TMEM150C: variants seen among roughly 807,000 people sequenced by gnomAD.
TMEM150C encodes transmembrane protein 150C, also known as tentonin 3.
TMEM150C carries 10 observed loss-of-function variants against 29.9 expected under a neutral mutation model. The ratio of observed to expected loss-of-function variants is 0.33; its 90% CI spans 0.21 to 0.57. The LOEUF is 0.57. Among genes scored for constraint, TMEM150C ranks in the 20% least tolerant of loss-of-function variants. The pLI is 0.88. For missense variants in TMEM150C, 251 were observed against 303.6 expected, an observed-to-expected ratio of 0.83 and a Z score of 1.29; for synonymous variants, 101 against 112.5, an observed-to-expected ratio of 0.90 and a Z score of 0.64.
At chr4:82,561,020 C>A (rs1313288111) in intron 1 of TMEM150C, among the ~76,000 whole-genome samples, 2 of 152,000 alleles carry the variant, frequency 1.3e-5, no homozygotes, top group Non-Finnish European at 2.9e-5. Flanking sequence ...GCGGTCTGGC[C>A]GGAATAAACC....
At chr4:82,546,742 G>A (rs768431941) in intron 1 of TMEM150C, among the ~76,000 whole-genome samples, 3 of 151,972 alleles carry the variant, frequency 2.0e-5, no homozygotes, top group Non-Finnish European at 4.4e-5. Context: ...GCAGGAGAAT[G>A]GTGTGACCCG....
At chr4:82,489,044 C>A (rs892309463) in intron 7 of TMEM150C, among the ~76,000 whole-genome samples, 2 of 151,596 alleles carry the variant, frequency 1.3e-5, no homozygotes, top group African/African-American at 4.8e-5. Flanking sequence ...CTCGCCACAA[C>A]ACCCAGCGGA....
intron 1 of TMEM150C, among the ~76,000 whole-genome samples, chr4:82,537,503 T>C (rs942038629): frequency 9.2e-5 from 14 of 152,184 alleles, no homozygotes; most frequent in Admixed American, 3.3e-4. Flanking sequence ...AATGCTCCTA[T>C]CCTTGACTTC....
Position 82,548,176 on chromosome 4 carries a change from CT to C in TMEM150C, c.-11+13729del, listed in dbSNP as rs569270173. Reference sequence around the variant, plus strand: ...GTACTCATGGACATAAAGATGAGGACTACCAGAGAGGGGAGGGAGGACAGAA... The same window carrying C: ...GTACTCATGGACATAAAGATGAGGACACCAGAGAGGGGAGGGAGGACAGAA... On this transcript the variant is annotated intron_variant, in intron 1 of 7. Transcript: ENST00000449862. 3.2e-4 allele frequency among the ~76,000 whole-genome samples: 48 copies of C among 152,164 alleles called. 1 individual carries two copies. The East Asian group carries it at 9.1e-3, about 29-fold the overall frequency.
At chr4:82,551,056 A>C (rs1243919736) in intron 1 of TMEM150C, among the ~76,000 whole-genome samples, 1 of 152,130 alleles carries the variant, frequency 6.6e-6, no homozygotes, top group Non-Finnish European at 1.5e-5. Flanking sequence ...GCCATAAGTT[A>C]CTGCAAGAGT....
intron 2 of TMEM150C, among the ~76,000 whole-genome samples, chr4:82,503,724 C>A (rs1162682159): frequency 6.6e-6 from 1 of 152,058 alleles, no homozygotes; most frequent in Non-Finnish European, 1.5e-5. Flanking sequence ...GTGGTGGGCG[C>A]CTGTAGTCCC....
At chr4:82,534,397 A>C (rs1466222504) in intron 1 of TMEM150C, among the ~76,000 whole-genome samples, 1 of 152,224 alleles carries the variant, frequency 6.6e-6, no homozygotes, top group Non-Finnish European at 1.5e-5. Flanking sequence ...TAAATATCTA[A>C]AAATCAACAG....
intron 1 of TMEM150C, among the ~76,000 whole-genome samples, chr4:82,531,754 C>CAAAA (rs757992713): frequency 3.2e-5 from 2 of 62,286 alleles, no homozygotes; most frequent in African/African-American, 4.6e-5. Context: ...GACTCTGTCT[C>CAAAA]AAAAAAAAAA....
chr4:82,506,423 C>G lies in TMEM150C; in HGVS notation c.-10-1756G>C, dbSNP rs76197467. 1.8e-3 allele frequency among the ~76,000 whole-genome samples: 278 copies of G among 152,306 alleles called. 9 individuals are homozygous for G. The East Asian group carries it at 0.034, about 19-fold the overall frequency. On this transcript the variant is annotated intron_variant, in intron 1 of 7. Transcript: ENST00000449862. Reference sequence around the variant, plus strand: ...CTGGGCAGTGGTGTTAAATAAATTACAGAATCTAGTTTACAGATCTAAATT... The same window carrying G: ...CTGGGCAGTGGTGTTAAATAAATTAGAGAATCTAGTTTACAGATCTAAATT...
In TMEM150C at chr4:82,491,553, A is replaced by G. The variant is rs533475465; in HGVS notation, c.364-1315T>C. On this transcript the variant is annotated intron_variant, in intron 6 of 7. Coordinates refer to ENST00000449862, the MANE Select transcript of TMEM150C (RefSeq NM_001080506.3). ...AGGCCTTTTCTCAAACCAGGGATTCACCACTTTCTTGGCCTCCTGCTTCTT... is the reference window on the plus strand; with the variant it reads ...AGGCCTTTTCTCAAACCAGGGATTCGCCACTTTCTTGGCCTCCTGCTTCTT... The G allele has an allele frequency of 8.7e-5, 58 of 666,750 alleles. 3 individuals carry two copies. In the South Asian group the frequency reaches 9.6e-4, roughly 11 times the overall value. 41.3% of individuals were successfully genotyped at this position (666,750 alleles called of 1,614,324 possible).
intron 1 of TMEM150C, among the ~76,000 whole-genome samples, chr4:82,551,460 G>A (rs892991925): frequency 1.3e-5 from 2 of 152,144 alleles, no homozygotes; most frequent in African/African-American, 2.4e-5. Context: ...AATGGTAAAG[G>A]TCAGTTAAAA....
chr4:82,491,148 T>G, intron 6 of TMEM150C: 1 of 702,660 alleles, frequency 1.4e-6, no homozygotes, highest in South Asian at 1.5e-5. Flanking sequence ...ATCCACATCG[T>G]GTGCAATCAC....
chr4:82,486,527 A>G lies in TMEM150C; in HGVS notation c.542-808T>C, dbSNP rs1006206581. Among the ~76,000 whole-genome samples the G allele has an allele frequency of 2.6e-5, 4 of 151,974 alleles. No individual in the cohort carries two copies. In the East Asian group the frequency reaches 5.8e-4, roughly 22 times the overall value. ...TGGCCTGTCTCTTCTAATTTTCACT[A>G]TTGTCTTTCAGACAATACTGTATAG... On this transcript the variant is annotated intron_variant, in intron 7 of 7. Coordinates refer to ENST00000449862, the MANE Select transcript of TMEM150C (RefSeq NM_001080506.3).
chr4:82,494,894 T>C, intron 6 of TMEM150C: 1 of 545,682 alleles, frequency 1.8e-6, no homozygotes, highest in Admixed American at 2.3e-5. Flanking sequence ...AAAGTCTGCG[T>C]CTCTTCACAA....
At chr4:82,526,981 T>C (rs1230565872) in intron 1 of TMEM150C, among the ~76,000 whole-genome samples, 3 of 151,636 alleles carry the variant, frequency 2.0e-5, no homozygotes, top group African/African-American at 7.3e-5. Flanking sequence ...TCAGCCAATC[T>C]AGGAAAGGTT....
chr4:82,560,316 T>C (rs531376274), intron 1 of TMEM150C, among the ~76,000 whole-genome samples: 1 of 152,358 alleles, frequency 6.6e-6, no homozygotes, highest in Admixed American at 6.5e-5. Flanking sequence ...CTTTAATATA[T>C]TTGTGAATGT....
intron 6 of TMEM150C, among the ~76,000 whole-genome samples, chr4:82,492,886 ATATATATATATATG>A (rs1269099902): frequency 7.1e-6 from 1 of 140,818 alleles, no homozygotes; most frequent in East Asian, 2.0e-4. Flanking sequence ...ATATATATAT[ATATATATATATATG>A]TATTTGAGAT....
At chr4:82,550,845 T>C (rs935720872) in intron 1 of TMEM150C, among the ~76,000 whole-genome samples, 4 of 151,646 alleles carry the variant, frequency 2.6e-5, no homozygotes, top group African/African-American at 9.7e-5. Context: ...TGCACAGTTA[T>C]GTTCAAAGGA....
intron 1 of TMEM150C, among the ~76,000 whole-genome samples, chr4:82,514,591 C>T (rs543023546): frequency 6.6e-6 from 1 of 152,266 alleles, no homozygotes; most frequent in East Asian, 1.9e-4. Context: ...GTCAGAGGCA[C>T]TGACTCCAGC....
Sources: allele counts gnomAD v4.1 joint callset (sites outside exome capture counted in the v4.1 genomes callset), GRCh38; gene constraint gnomAD v4.1.1; transcripts MANE v1.5; gene names NCBI Gene and HGNC (gene_info 2026-07-23, HGNC 2026-07-21).